CACNA2D1: variants seen among roughly 807,000 people sequenced by gnomAD.
The protein encoded by CACNA2D1 is calcium voltage-gated channel auxiliary subunit alpha2delta 1, also known as voltage-dependent calcium channel subunit alpha-2/delta-1.
In CACNA2D1, 53 loss-of-function variants were observed where a neutral mutation model predicts 171.5. That is an observed-to-expected ratio of 0.31 (90% CI 0.25 to 0.39). The LOEUF (loss-of-function observed/expected upper bound fraction) is 0.39. Among genes scored for constraint, CACNA2D1 ranks in the 10% least tolerant of loss-of-function variants. CACNA2D1 has a pLI of 1.00. For missense variants in CACNA2D1, 903 were observed against 1,299.8 expected, an observed-to-expected ratio of 0.69 and a Z score of 4.69; for synonymous variants, 442 against 443.1, an observed-to-expected ratio of 1.00 and a Z score of 0.03.
chr7:82,108,805 C>T (rs1788047468), intron 6 of CACNA2D1, among the ~76,000 whole-genome samples: 1 of 152,028 alleles, frequency 6.6e-6, no homozygotes, highest in African/African-American at 2.4e-5. Flanking sequence ...CTCTTTGTGC[C>T]AAACTTATTA....
intron 1 of CACNA2D1, among the ~76,000 whole-genome samples, chr7:82,420,674 A>G (rs1011902456): frequency 1.3e-5 from 2 of 152,224 alleles, no homozygotes; most frequent in Non-Finnish European, 2.9e-5. Context: ...TAAAAGGAAT[A>G]ATTGCTTTAA....
intron 1 of CACNA2D1, among the ~76,000 whole-genome samples, chr7:82,354,201 G>A (rs1820171169): frequency 6.6e-6 from 1 of 152,024 alleles, no homozygotes; most frequent in African/African-American, 2.4e-5. Flanking sequence ...TAGGTCTTTG[G>A]GTCATTTTCT....
intron 6 of CACNA2D1, among the ~76,000 whole-genome samples, chr7:82,106,316 A>G (rs1787755084): frequency 6.6e-6 from 1 of 151,912 alleles, no homozygotes; most frequent in Admixed American, 6.6e-5. Flanking sequence ...ATCCCTTTTT[A>G]ATTTGCTGTG....
chr7:82,232,551 T>C (rs766157515), intron 3 of CACNA2D1, among the ~76,000 whole-genome samples: 1 of 152,150 alleles, frequency 6.6e-6, no homozygotes, highest in Non-Finnish European at 1.5e-5. Context: ...CCCCTGTTTT[T>C]ACAAATTGAG....
Position 82,060,199 on chromosome 7 carries a change from TATTATATATATAATATATATATAATA to T in CACNA2D1, c.879+203_879+228del, listed in dbSNP as rs1562981881. 2.1e-3 allele frequency among the ~76,000 whole-genome samples: 24 copies of T among 11,384 alleles called. 1 individual carries two copies. Among genetic ancestry groups the T allele is most frequent in the Admixed American group, 8.6e-3 (3 of 350 alleles). 7.5% of individuals were successfully genotyped at this position (11,384 alleles called of 152,430 possible). A position where few individuals can be genotyped will look rare whatever the true frequency, so the allele number is the denominator to read the frequency against. On this transcript the variant is annotated intron_variant, in intron 10 of 38. Coordinates refer to ENST00000356860, the MANE Select transcript of CACNA2D1 (RefSeq NM_000722.4). ...ATATAATATATATATATTATATATA[TATTATATATATAATATATATATAATA>T]TATATATATAATATGTATAAAAAAC... is the stretch of plus-strand genomic sequence containing the variant.
At chr7:82,170,456 G>T (rs1019198379) in intron 4 of CACNA2D1, 94 bp downstream of exon 4, 1 of 981,082 alleles carries the variant, frequency 1.0e-6, no homozygotes. Context: ...AACATCATAA[G>T]ATTCCATCAT....
chr7:82,136,752 T>C (rs931305664), intron 4 of CACNA2D1, 76 bp from the exon 5 acceptor site: 3 of 948,776 alleles, frequency 3.2e-6, no homozygotes, highest in South Asian at 1.5e-5. Context: ...ATTTTATGCA[T>C]ATTATAAAAT....
intron 3 of CACNA2D1, among the ~76,000 whole-genome samples, chr7:82,247,135 A>C (rs2129306895): frequency 6.6e-6 from 1 of 152,336 alleles, no homozygotes; most frequent in Admixed American, 6.5e-5. Context: ...AATTACAGTA[A>C]GTAATGTATT....
chr7:82,140,954 T>TAAAAAAAAAAA (rs1324664679), intron 4 of CACNA2D1, among the ~76,000 whole-genome samples: 15 of 91,768 alleles, frequency 1.6e-4, no homozygotes, highest in South Asian at 1.2e-3. Flanking sequence ...GACTCGTCTC[T>TAAAAAAAAAAA]AAAAAAAAAA....
At chr7:82,352,631 AAAC>A (rs769114975) in intron 1 of CACNA2D1, among the ~76,000 whole-genome samples, 6 of 152,294 alleles carry the variant, frequency 3.9e-5, no homozygotes, top group South Asian at 2.1e-4. Context: ...GGAAGAGAGA[AAAC>A]AACAACAAGA....
At chr7:82,295,952 C>CT (rs1306237481) in intron 3 of CACNA2D1, among the ~76,000 whole-genome samples, 2 of 151,898 alleles carry the variant, frequency 1.3e-5, no homozygotes, top group Admixed American at 1.3e-4. Context: ...AGTTCATGTC[C>CT]TTTGTAGGGA....
chr7:82,066,539 A>AG lies in CACNA2D1; in HGVS notation c.659-16_659-15insC, dbSNP rs1562992690. 1 of 1,588,696 alleles carries AG rather than the reference A, an allele frequency of 6.3e-7. No individual in the cohort carries two copies. Among genetic ancestry groups the AG allele is most frequent in the African/African-American group, 1.4e-5 (1 of 73,476 alleles). ...CCATGGTGAAGCTAAAAAAAAAAAA[A>AG]AAAGAGAGATATTAAATCAAAATAT... On this transcript the variant is annotated splice_polypyrimidine_tract_variant and intron_variant, in intron 7 of 38. Transcript: ENST00000356860.
At chr7:82,077,787 T>C (rs1259942568) in intron 7 of CACNA2D1, among the ~76,000 whole-genome samples, 2 of 151,974 alleles carry the variant, frequency 1.3e-5, no homozygotes, top group African/African-American at 4.8e-5. Context: ...CAGGCATTTT[T>C]AGAGAAAACC....
rs141092648 is a variant in CACNA2D1, at chr7:82,108,274, T to C, written c.526+8770A>G. Among the ~76,000 whole-genome samples the C allele has an allele frequency of 2.2e-4, 33 of 152,330 alleles. 1 individual carries two copies. The East Asian group carries it at 6.4e-3, about 29-fold the overall frequency. ...TTCCTAGCAGAATTTCTTTGACCTT[T>C]TAAGGGTTAGTGTGTACTATGAACC... On this transcript the variant is annotated intron_variant, in intron 6 of 38. Transcript: ENST00000356860.
At chr7:82,416,666 G>A (rs1828199654) in intron 1 of CACNA2D1, among the ~76,000 whole-genome samples, 2 of 152,042 alleles carry the variant, frequency 1.3e-5, no homozygotes, top group East Asian at 3.8e-4. Context: ...CTTTTTATAA[G>A]GACATGCATC....
intron 3 of CACNA2D1, among the ~76,000 whole-genome samples, chr7:82,334,072 G>A (rs943003501): frequency 6.6e-6 from 1 of 152,042 alleles, no homozygotes; most frequent in Non-Finnish European, 1.5e-5. Context: ...TTTCACTGAA[G>A]AGGAAACAAG....
intron 3 of CACNA2D1, among the ~76,000 whole-genome samples, chr7:82,277,333 C>T (rs1461120786): frequency 4.6e-5 from 7 of 152,184 alleles, no homozygotes; most frequent in South Asian, 2.1e-4. Context: ...CCCCGAGTAG[C>T]TGGGACTACA....
At chr7:82,077,470 A>G (rs1479521289) in intron 7 of CACNA2D1, among the ~76,000 whole-genome samples, 2 of 152,192 alleles carry the variant, frequency 1.3e-5, no homozygotes, top group Non-Finnish European at 2.9e-5. Flanking sequence ...AGAGAATGAC[A>G]GAGTAGTGAG....
chr7:82,296,120 A>G (rs926616610), intron 3 of CACNA2D1, among the ~76,000 whole-genome samples: 4 of 149,232 alleles, frequency 2.7e-5, no homozygotes, highest in East Asian at 2.3e-4. Flanking sequence ...GGGGTGGGGG[A>G]AGGGGGGAGG....
Sources: gnomAD v4.1 joint callset for allele counts (sites outside exome capture counted in the v4.1 genomes callset) on GRCh38, gnomAD v4.1.1 for gene constraint, MANE v1.5 for transcripts, NCBI Gene and HGNC (gene_info 2026-07-23, HGNC 2026-07-21) for gene names.